The following CES2 variants were observed in gnomAD, a reference collection of about 807,000 sequenced individuals.
CES2 encodes the protein carboxylesterase 2.
In CES2, 42 loss-of-function variants were observed where a neutral mutation model predicts 52.1. The observed-to-expected ratio is 0.81, with a 90% CI of 0.63 to 1.04. CES2 has a LOEUF of 1.04. Ranked by LOEUF, CES2 falls within the 50% of genes least tolerant of loss-of-function variation. The pLI is 0.00. For synonymous variants in CES2, 277 were observed against 289.6 expected (o/e 0.96, Z 0.44); for missense variants, 656 against 724.3 (o/e 0.91, Z 1.08).
chr16:66,944,037 G>T lies in CES2; in HGVS notation c.*12G>T. On this transcript the variant is annotated 3_prime_UTR_variant, in exon 12 of 12. Transcript: ENST00000317091. ...ACACAGAGCTGTAGCTCCCTGTGCC[G>T]GGGAGGAGGGGGTGGGTTCGCTGAC... 7.1e-7 allele frequency: 1 copy of T among 1,412,654 alleles called. No individual in the cohort carries two copies. Among genetic ancestry groups the T allele is most frequent in the South Asian group, 1.4e-5 (1 of 71,274 alleles). 87.5% of individuals were successfully genotyped at this position (1,412,654 alleles called of 1,614,324 possible). A position where few individuals can be genotyped will look rare whatever the true frequency, so the allele number is the denominator to read the frequency against.
upstream of CES2, chr16:66,935,414 G>A (rs2145495801): frequency 6.4e-7 from 1 of 1,552,730 alleles, no homozygotes; most frequent in East Asian, 2.3e-5. Flanking sequence ...CCGTGCCCGG[G>A]CCTGCCTACC....
At position 66,943,984 on chromosome 16, in the gene CES2, C is replaced by A; in HGVS notation, c.1639C>A (p.Gln547Lys). The A allele has an allele frequency of 6.3e-7, 1 of 1,589,618 alleles. No homozygotes were observed. Among genetic ancestry groups the A allele is most frequent in the Non-Finnish European group, 8.6e-7 (1 of 1,164,356 alleles). ...GAAGAAGGCGCTGCCCCAAAAGATC[C>A]AGGAGCTCGAGGAGCCTGAAGAGAG... is the stretch of plus-strand genomic sequence containing the variant. ...FWKKALPQKIQELEEPEERHT... is the reference protein window; with the variant it reads ...FWKKALPQKIKELEEPEERHT... The change falls in exon 12 of 12, where the codon CAG (glutamine) becomes AAG (lysine). Residue 547 changes from glutamine (Q) to lysine (K), a missense_variant. Transcript: ENST00000317091. This position sits in a 1 kb window ranked among gnomAD's most constrained non-coding sequence, Gnocchi z 4.2.
Position 66,943,508 on chromosome 16 carries a change from C to A in CES2, c.1493+137C>A. The A allele has an allele frequency of 2.3e-6, 2 of 886,362 alleles. No individual in the cohort carries two copies. Among genetic ancestry groups the A allele is most frequent in the Non-Finnish European group, 3.5e-6 (2 of 564,958 alleles). 54.9% of individuals were successfully genotyped at this position (886,362 alleles called of 1,614,324 possible). On this transcript the variant is annotated intron_variant, in intron 11 of 11. Transcript: ENST00000317091. This position sits in a 1 kb window ranked among gnomAD's most constrained non-coding sequence, Gnocchi z 4.2. ...ATGGCCCCTTCCCCAGCTCCGGGAC[C>A]CACTCAGACAGGGTGGGGGTGCGTG...
At position 66,942,228 on chromosome 16, in the gene CES2, C is replaced by T; in HGVS notation, c.1261C>T (p.Leu421Phe). 1.9e-6 allele frequency: 3 copies of T among 1,612,816 alleles called. No homozygotes were observed. The highest frequency in any genetic ancestry group is 2.5e-6 in the Non-Finnish European group (3 of 1,179,114). ...GGACTCCATGTTTGTGATCCCTGCA[C>T]TCCAAGTAGCACATTTTCAGTGTGA... ...MADSMFVIPALQVAHFQCSRA... is the reference protein window; with the variant it reads ...MADSMFVIPAFQVAHFQCSRA... The change falls in exon 9 of 12, where the codon CTC (leucine) becomes TTC (phenylalanine). Residue 421 changes from leucine (L) to phenylalanine (F), a missense_variant. Physicochemically the swap from Leu to Phe is conservative, Grantham distance 22. Coordinates refer to ENST00000317091, the MANE Select transcript of CES2 (RefSeq NM_001365405.1).
chr16:66,935,165 C>G (rs1345188381), upstream of CES2: 3 of 396,044 alleles, frequency 7.6e-6, no homozygotes, highest in South Asian at 6.9e-5. Flanking sequence ...TCCTTCACCC[C>G]GATCAAGTTC....
Position 66,941,778 on chromosome 16 carries a change from T to G in CES2, c.1067T>G (p.Ile356Ser), listed in dbSNP as rs1212100497. The change falls in exon 8 of 12, where the codon ATC becomes AGC. Residue 356 changes from isoleucine to serine, a missense_variant. Physicochemically the swap from Ile to Ser is moderately radical, Grantham distance 142. Transcript: ENST00000317091. The stretch of plus-strand genomic sequence containing the variant: ...CTCCTGGCCATCCAGGTCATGAGGA[T>G]CTATGATACCCAGAAGGAAATGGAC... ...FGWLIPKVMR[I>S]YDTQKEMDRE... 1 of 1,614,110 alleles carries G rather than the reference T, an allele frequency of 6.2e-7. No homozygotes were observed. Among genetic ancestry groups the G allele is most frequent in the Non-Finnish European group, 8.5e-7 (1 of 1,179,996 alleles).
In CES2 at chr16:66,942,649, TTCCC is replaced by T. The variant is rs1250381689; in HGVS notation, c.1285_1288del (p.Ser429GlyfsTer24). ...TGTCATGGGCTGTCCACCCCACAGGTTCCCGGGCCCCTGTGTACTTCTACGAGTT... is the reference window on the plus strand; with the variant it reads ...TGTCATGGGCTGTCCACCCCACAGGTGGGCCCCTGTGTACTTCTACGAGTT... On this transcript the variant is annotated frameshift_variant and splice_region_variant, in exon 10 of 12. Transcript: ENST00000317091. LOFTEE classifies it high-confidence loss of function. The T allele has an allele frequency of 1.2e-6, 2 of 1,614,006 alleles. No homozygotes were observed.
Position 66,939,283 on chromosome 16 carries a change from C to A in CES2, c.348C>A (p.Ser116=). ...FLSQFNMTFP[S]DSMSEDCLYL... ...GCCAGTTCAACATGACCTTCCCTTC[C>A]GACTCCATGTCTGAGGACTGCCTGT... is the stretch of plus-strand genomic sequence containing the variant. Residue 116 remains serine, a synonymous_variant, in exon 3 of 12, where the codon TCC becomes TCA. Coordinates refer to ENST00000317091, the MANE Select transcript of CES2 (RefSeq NM_001365405.1). 6.2e-7 allele frequency: 1 copy of A among 1,613,852 alleles called. No individual in the cohort carries two copies. The highest frequency in any genetic ancestry group is 8.5e-7 in the Non-Finnish European group (1 of 1,179,768).
chr16:66,934,621 G>A, upstream of CES2: 2 of 550,502 alleles, frequency 3.6e-6, no homozygotes, highest in South Asian at 2.4e-5. The surrounding 1 kb of genome is among the most constrained non-coding windows in gnomAD (Gnocchi z 4.1). Context: ...CCAGTAGCGG[G>A]CTGAAACGTA....
chr16:66,943,706 C>G lies in CES2; in HGVS notation c.1494-133C>G, dbSNP rs1963417645. 1 of 690,238 alleles carries G rather than the reference C, an allele frequency of 1.4e-6. No homozygotes were observed. The highest frequency in any genetic ancestry group is 2.1e-5 in the South Asian group (1 of 46,540). 42.8% of individuals were successfully genotyped at this position (690,238 alleles called of 1,614,324 possible). ...GGAGCTTATTTCCTGTTTCTGGAAG[C>G]CTCCCCACTCATTCCCCAAGCCCAC... On this transcript the variant is annotated intron_variant, in intron 11 of 11. Coordinates refer to ENST00000317091, the MANE Select transcript of CES2 (RefSeq NM_001365405.1). This position sits in a 1 kb window ranked among gnomAD's most constrained non-coding sequence, Gnocchi z 4.2.
intron 1 of CES2, among the ~76,000 whole-genome samples, chr16:66,936,470 A>G (rs1394245333): frequency 6.6e-6 from 1 of 152,160 alleles, no homozygotes. Context: ...GGCTGCAGTG[A>G]GCCTTCATCC....
Position 66,943,731 on chromosome 16 carries a change from C to A in CES2, c.1494-108C>A. 1 of 880,084 alleles carries A rather than the reference C, an allele frequency of 1.1e-6. No individual in the cohort carries two copies. The highest frequency in any genetic ancestry group is 1.8e-6 in the Non-Finnish European group (1 of 569,994). 54.5% of individuals were successfully genotyped at this position (880,084 alleles called of 1,614,324 possible). ...CCTCCCCACTCATTCCCCAAGCCCACCTGGCCTGCTTGGCTGCCTTGCCTG... is the reference window on the plus strand; with the variant it reads ...CCTCCCCACTCATTCCCCAAGCCCAACTGGCCTGCTTGGCTGCCTTGCCTG... On this transcript the variant is annotated intron_variant, in intron 11 of 11. Coordinates refer to ENST00000317091, the MANE Select transcript of CES2 (RefSeq NM_001365405.1). The surrounding 1 kb of genome is among the most constrained non-coding windows in gnomAD (Gnocchi z 4.2).
upstream of CES2, chr16:66,934,703 G>A (rs1597001636): frequency 3.7e-6 from 1 of 271,146 alleles, no homozygotes; most frequent in South Asian, 6.9e-5. This position sits in a 1 kb window ranked among gnomAD's most constrained non-coding sequence, Gnocchi z 4.1. Flanking sequence ...CCTCCTGGAA[G>A]TCAGGCTGGC....
Position 66,938,206 on chromosome 16 carries a change from G to A in CES2, c.246G>A (p.Trp82Ter). The change falls in exon 2 of 12, where the codon TGG becomes TGA. Residue 82 changes from tryptophan to a stop codon, truncating the protein, a stop_gained. Transcript: ENST00000317091. LOFTEE classifies it high-confidence loss of function. ...CACCCCCTGAGCCCCCTGAATCTTG[G>A]AGTGGTGTGAGGGATGGAACCACCC... is the stretch of plus-strand genomic sequence containing the variant. Reference protein sequence around the residue: ...RFAPPEPPESWSGVRDGTTHP... With the variant: ...RFAPPEPPES 6 of 1,614,160 alleles carry A rather than the reference G, an allele frequency of 3.7e-6. No homozygotes were observed. The highest frequency in any genetic ancestry group is 5.1e-6 in the Non-Finnish European group (6 of 1,180,004).
Position 66,942,240 on chromosome 16 carries a change from C to A in CES2, c.1273C>A (p.His425Asn). 6.2e-7 allele frequency: 1 copy of A among 1,611,222 alleles called. No homozygotes were observed. Among genetic ancestry groups the A allele is most frequent in the Non-Finnish European group, 8.5e-7 (1 of 1,178,070 alleles). The change falls in exon 9 of 12, where the codon CAT becomes AAT. Residue 425 changes from histidine to asparagine, a missense_variant. Physicochemically the swap from His to Asn is moderately conservative, Grantham distance 68. Transcript: ENST00000317091. ...MFVIPALQVA[H>N]FQCSRAPVYF... is the part of the protein sequence containing the mutation. ...TGTGATCCCTGCACTCCAAGTAGCACATTTTCAGTGTGAGTATATTTGGAC... is the reference window on the plus strand; with the variant it reads ...TGTGATCCCTGCACTCCAAGTAGCAAATTTTCAGTGTGAGTATATTTGGAC...
Position 66,944,573 on chromosome 16 carries a change from C to A in CES2, c.*548C>A, listed in dbSNP as rs572493525. On this transcript the variant is annotated 3_prime_UTR_variant, in exon 12 of 12. Transcript: ENST00000317091. Reference sequence around the variant, plus strand: ...ACCAGCCTGCCCAACGTGGTGAAACCCCATCTCTATGAAAAATACAAAAAT... The same window carrying A: ...ACCAGCCTGCCCAACGTGGTGAAACACCATCTCTATGAAAAATACAAAAAT... 1 of 152,058 alleles carries A rather than the reference C, an allele frequency of 6.6e-6. No individual in the cohort carries two copies. The highest frequency in any genetic ancestry group is 1.9e-4 in the East Asian group (1 of 5,186). The allele number at this position is 152,058 out of a possible 1,614,324, so 9.4% of individuals were successfully genotyped here.
At position 66,943,878 on chromosome 16, in the gene CES2, C is replaced by T. The variant is rs1963422058; in HGVS notation, c.1533C>T (p.Phe511=). ...NGEGLPHWPL[F]DQEEQYLQLN... is the part of the protein sequence containing the mutation. ...AGGGTCTGCCACACTGGCCGCTGTT[C>T]GACCAGGAGGAGCAATACCTGCAGC... is the stretch of plus-strand genomic sequence containing the variant. Residue 511 remains phenylalanine (F), a synonymous_variant, in exon 12 of 12, where the codon TTC becomes TTT. Transcript: ENST00000317091. This position sits in a 1 kb window ranked among gnomAD's most constrained non-coding sequence, Gnocchi z 4.2. The T allele has an allele frequency of 5.0e-6, 8 of 1,606,464 alleles. No individual in the cohort carries two copies. The highest frequency in any genetic ancestry group is 6.8e-6 in the Non-Finnish European group (8 of 1,174,616).
Position 66,941,568 on chromosome 16 carries a change from G to T in CES2, c.978G>T (p.Leu326=). ...TCCTGCCCAGGCACCCCCAGGAGCT[G>T]CTGGCCTCTGCCGACTTTCAGCCTG... ...GVFLPRHPQE[L]LASADFQPVP... The change falls in exon 7 of 12, where the codon CTG becomes CTT. Residue 326 remains leucine, a synonymous_variant. Transcript: ENST00000317091. 2 of 1,614,148 alleles carry T rather than the reference G, an allele frequency of 1.2e-6. No homozygotes were observed. The highest frequency in any genetic ancestry group is 1.7e-6 in the Non-Finnish European group (2 of 1,180,000).
rs772189576 is a variant in CES2, at chr16:66,938,277, C to T, written c.281+36C>T. The T allele has an allele frequency of 1.1e-5, 17 of 1,504,666 alleles. 1 individual carries two copies. The Admixed American group carries it at 2.7e-4, about 24-fold the overall frequency. 93.2% of individuals were successfully genotyped at this position (1,504,666 alleles called of 1,614,324 possible). A position where few individuals can be genotyped will look rare whatever the true frequency, so the allele number is the denominator to read the frequency against. On this transcript the variant is annotated intron_variant, in intron 2 of 11. Transcript: ENST00000317091. ...CAAGGGGTCCAGGGAACTCCAGGCCCTGGGGCAGGGGTGGGGGTGCTCTGA... is the reference window on the plus strand; with the variant it reads ...CAAGGGGTCCAGGGAACTCCAGGCCTTGGGGCAGGGGTGGGGGTGCTCTGA...
Sources: allele counts gnomAD v4.1 joint callset (sites outside exome capture counted in the v4.1 genomes callset), GRCh38; gene constraint gnomAD v4.1.1; non-coding constraint Gnocchi (gnomAD v3.1); transcripts MANE v1.5; gene names NCBI Gene and HGNC (gene_info 2026-07-23, HGNC 2026-07-21).